The following SAMTOR variants were observed in gnomAD, a reference collection of about 807,000 sequenced individuals.
The protein encoded by SAMTOR is UPF0532 protein C7orf60.
chr7:112,825,623 C>CCTGTGACACCTGTGACAA, the SAMTOR span, among the ~76,000 whole-genome samples: 1 of 152,108 alleles, frequency 6.6e-6, no homozygotes, highest in Non-Finnish European at 1.5e-5. Context: ...ATCGATGACA[C>CCTGTGACACCTGTGACAA]CTGTGAATAC....
chr7:112,903,382 T>C, the SAMTOR span, among the ~76,000 whole-genome samples: 2 of 150,992 alleles, frequency 1.3e-5, no homozygotes, highest in African/African-American at 4.9e-5. Context: ...TTTTCTAGAT[T>C]AAAGACCAAA....
At chr7:112,848,959 G>A in the SAMTOR span, among the ~76,000 whole-genome samples, 1 of 151,350 alleles carries the variant, frequency 6.6e-6, no homozygotes, top group African/African-American at 2.4e-5. Flanking sequence ...TGAGGCAAGA[G>A]AATTGCTTTA....
At chr7:112,851,521 C>G in the SAMTOR span, among the ~76,000 whole-genome samples, 1 of 152,034 alleles carries the variant, frequency 6.6e-6, no homozygotes, top group Non-Finnish European at 1.5e-5. Context: ...ACTCATATCT[C>G]TTGCCATATA....
the SAMTOR span, among the ~76,000 whole-genome samples, chr7:112,889,545 T>C: frequency 6.6e-6 from 1 of 151,622 alleles, no homozygotes; most frequent in Non-Finnish European, 1.5e-5. Context: ...TATTAAGGAG[T>C]TCAGAGTTTT....
chr7:112,878,231 C>T, the SAMTOR span, among the ~76,000 whole-genome samples: 1 of 152,066 alleles, frequency 6.6e-6, no homozygotes, highest in Non-Finnish European at 1.5e-5. Context: ...AAAGAAATTG[C>T]TAATGTATGA....
At chr7:112,851,730 G>A in the SAMTOR span, among the ~76,000 whole-genome samples, 2 of 152,116 alleles carry the variant, frequency 1.3e-5, no homozygotes, top group African/African-American at 4.8e-5. Context: ...TACGGAATGG[G>A]AGAAAATATT....
At chr7:112,923,588 A>G in the SAMTOR span, among the ~76,000 whole-genome samples, 479 of 152,236 alleles carry the variant, frequency 3.1e-3, 2 homozygotes, top group African/African-American at 0.011. Context: ...CTTTTACACT[A>G]TTGGTGGGAC....
the SAMTOR span, among the ~76,000 whole-genome samples, chr7:112,845,156 A>T: frequency 1.3e-5 from 2 of 152,340 alleles, no homozygotes; most frequent in East Asian, 3.9e-4. Context: ...CAACCTGGGC[A>T]ACACCATTCT....
the SAMTOR span, among the ~76,000 whole-genome samples, chr7:112,856,510 A>G: frequency 6.6e-6 from 1 of 152,164 alleles, no homozygotes; most frequent in Non-Finnish European, 1.5e-5. Flanking sequence ...TCGGCCTCCC[A>G]AAGTGCTGGG....
At chr7:112,821,575 T>A in the SAMTOR span, 3 of 564,080 alleles carry the variant, frequency 5.3e-6, no homozygotes, top group African/African-American at 3.9e-5. Flanking sequence ...GCTTTCTATA[T>A]AAGAATAAAT....
At chr7:112,880,421 G>A in the SAMTOR span, among the ~76,000 whole-genome samples, 4 of 152,106 alleles carry the variant, frequency 2.6e-5, no homozygotes, top group African/African-American at 9.7e-5. Context: ...CTGAGCCAGT[G>A]CTAAAAATTA....
At chr7:112,845,796 C>A in the SAMTOR span, among the ~76,000 whole-genome samples, 1 of 152,166 alleles carries the variant, frequency 6.6e-6, no homozygotes, top group Non-Finnish European at 1.5e-5. Context: ...ATGTTCACTG[C>A]AGCACTATTG....
chr7:112,845,869 G>A, the SAMTOR span, among the ~76,000 whole-genome samples: 2 of 151,300 alleles, frequency 1.3e-5, no homozygotes, highest in Non-Finnish European at 3.0e-5. Flanking sequence ...TAAAGAAAAT[G>A]GAATAGTATT....
the SAMTOR span, among the ~76,000 whole-genome samples, chr7:112,938,560 T>C: frequency 1.3e-5 from 2 of 152,226 alleles, no homozygotes; most frequent in East Asian, 1.9e-4. Context: ...TAACTAAGTA[T>C]AGGACTAACA....
the SAMTOR span, among the ~76,000 whole-genome samples, chr7:112,841,402 C>T: frequency 2.0e-5 from 3 of 151,974 alleles, no homozygotes; most frequent in African/African-American, 7.3e-5. Context: ...TCAAGGAGAA[C>T]TACAAACCAC....
At chr7:112,913,069 T>A in the SAMTOR span, among the ~76,000 whole-genome samples, 17 of 152,240 alleles carry the variant, frequency 1.1e-4, no homozygotes, top group African/African-American at 4.1e-4. Context: ...TTCAGTAGTA[T>A]GCCTCATTTT....
At chr7:112,847,544 C>T in the SAMTOR span, among the ~76,000 whole-genome samples, 6 of 152,146 alleles carry the variant, frequency 3.9e-5, no homozygotes, top group East Asian at 3.9e-4. Context: ...TTTGAGAAGC[C>T]GAGGCGGGCG....
the SAMTOR span, among the ~76,000 whole-genome samples, chr7:112,884,174 C>G: frequency 6.6e-6 from 1 of 152,154 alleles, no homozygotes; most frequent in Admixed American, 6.5e-5. Flanking sequence ...TTACCTTCCA[C>G]CGGGTCCTTC....
At chr7:112,921,043 T>C in the SAMTOR span, among the ~76,000 whole-genome samples, 1 of 152,150 alleles carries the variant, frequency 6.6e-6, no homozygotes, top group Non-Finnish European at 1.5e-5. Flanking sequence ...ATAGATTCAA[T>C]GCCATCCCCA....
Sources: allele counts gnomAD v4.1 joint callset (sites outside exome capture counted in the v4.1 genomes callset), GRCh38; gene constraint gnomAD v4.1.1; transcripts MANE v1.5; gene names NCBI Gene and HGNC (gene_info 2026-07-23, HGNC 2026-07-21).